The following SCFD2 variants were observed in gnomAD, a reference collection of about 807,000 sequenced individuals.
The protein encoded by SCFD2 is sec1 family domain-containing protein 2.
SCFD2 carries 54 observed loss-of-function variants against 58.9 expected under a neutral mutation model. The observed-to-expected ratio is 0.92, with a 90% CI of 0.74 to 1.15. SCFD2 has a LOEUF of 1.15. SCFD2 is among the 50% of genes most tolerant of loss of function. SCFD2 has a pLI of 0.00. For synonymous variants in SCFD2, 321 were observed against 335.9 expected, an observed-to-expected ratio of 0.96 and a Z score of 0.49; for missense variants, 805 against 836.6, an observed-to-expected ratio of 0.96 and a Z score of 0.47.
At chr4:53,298,133 G>A (rs1015413894) in intron 3 of SCFD2, among the ~76,000 whole-genome samples, 4 of 152,164 alleles carry the variant, frequency 2.6e-5, no homozygotes, top group African/African-American at 9.7e-5. Context: ...TGCGTGAGCC[G>A]AAGCAGGGCG....
chr4:52,898,096 A>G (rs193264373), intron 7 of SCFD2, among the ~76,000 whole-genome samples: 24 of 152,312 alleles, frequency 1.6e-4, no homozygotes, highest in African/African-American at 5.5e-4. Flanking sequence ...ATCTTTTCAA[A>G]AAACCAGCTC....
intron 5 of SCFD2, among the ~76,000 whole-genome samples, chr4:52,981,693 GC>G (rs921087838): frequency 5.2e-4 from 79 of 152,186 alleles, no homozygotes; most frequent in African/African-American, 1.7e-3. Context: ...ACACAGGAAG[GC>G]CCCGAGTCAA....
At chr4:53,111,793 T>C (rs575927394) in intron 5 of SCFD2, among the ~76,000 whole-genome samples, 1 of 152,284 alleles carries the variant, frequency 6.6e-6, no homozygotes, top group East Asian at 1.9e-4. Context: ...TAGCTTATGC[T>C]GAAATATCAA....
chr4:52,888,642 T>C (rs1290890128), intron 7 of SCFD2, among the ~76,000 whole-genome samples: 2 of 152,222 alleles, frequency 1.3e-5, no homozygotes, highest in Admixed American at 6.5e-5. Flanking sequence ...TTAGGTACCA[T>C]GACAGTACTT....
At chr4:53,247,469 G>C (rs1484441565) in intron 4 of SCFD2, among the ~76,000 whole-genome samples, 1 of 152,126 alleles carries the variant, frequency 6.6e-6, no homozygotes, top group East Asian at 1.9e-4. Flanking sequence ...ATTCACAATA[G>C]CAAAGACATG....
At chr4:53,172,240 T>C (rs1727202766) in intron 4 of SCFD2, among the ~76,000 whole-genome samples, 1 of 152,060 alleles carries the variant, frequency 6.6e-6, no homozygotes, top group Non-Finnish European at 1.5e-5. Context: ...CCTGACCTTG[T>C]GATCTGCCTG....
chr4:53,000,194 A>T (rs1238516886), intron 5 of SCFD2, among the ~76,000 whole-genome samples: 1 of 152,190 alleles, frequency 6.6e-6, no homozygotes, highest in Non-Finnish European at 1.5e-5. Flanking sequence ...CAGTCTGAGG[A>T]GAGCACAGGT....
chr4:52,990,345 C>T lies in SCFD2; in HGVS notation c.1562-69475G>A, dbSNP rs193104817. Among the ~76,000 whole-genome samples, 328 of 152,296 alleles carry T rather than the reference C, an allele frequency of 2.2e-3. 6 individuals carry two copies. Among genetic ancestry groups the T allele is most frequent in the South Asian group, 0.01 (49 of 4,824 alleles). On this transcript the variant is annotated intron_variant, in intron 5 of 8. Coordinates refer to ENST00000401642, the MANE Select transcript of SCFD2 (RefSeq NM_152540.4). ...TCTCATTAGTCTCATTCCACTATTA[C>T]AATTAATAATGTTATTGCTAGAAAT...
At chr4:53,320,436 G>A (rs1336909959) in intron 2 of SCFD2, among the ~76,000 whole-genome samples, 2 of 152,158 alleles carry the variant, frequency 1.3e-5, no homozygotes, top group Non-Finnish European at 2.9e-5. Flanking sequence ...GGTCAATATG[G>A]TGAAACCCCA....
intron 3 of SCFD2, among the ~76,000 whole-genome samples, chr4:53,289,190 C>A (rs529008523): frequency 6.6e-6 from 1 of 152,030 alleles, no homozygotes; most frequent in Non-Finnish European, 1.5e-5. Context: ...CATGGTGAAA[C>A]CCTGTATCTA....
chr4:52,973,920 T>C (rs913030377), intron 5 of SCFD2, among the ~76,000 whole-genome samples: 10 of 152,110 alleles, frequency 6.6e-5, no homozygotes, highest in African/African-American at 1.9e-4. Flanking sequence ...ACAAAAACCA[T>C]ATGGTTATCT....
chr4:53,217,339 G>A (rs574989059), intron 4 of SCFD2, among the ~76,000 whole-genome samples: 22 of 152,302 alleles, frequency 1.4e-4, no homozygotes, highest in African/African-American at 5.1e-4. Flanking sequence ...CGTGTATTGG[G>A]TGCACATATG....
intron 3 of SCFD2, among the ~76,000 whole-genome samples, chr4:53,279,917 GC>G (rs1241654120): frequency 1.3e-5 from 2 of 152,100 alleles, no homozygotes; most frequent in Admixed American, 1.3e-4. Flanking sequence ...CAGGGAAACT[GC>G]CCCCATGATA....
chr4:53,258,134 A>G (rs1337651022), intron 4 of SCFD2, among the ~76,000 whole-genome samples: 1 of 152,220 alleles, frequency 6.6e-6, no homozygotes, highest in African/African-American at 2.4e-5. Flanking sequence ...CCTGACTGCC[A>G]ACCTTGATAG....
intron 5 of SCFD2, among the ~76,000 whole-genome samples, chr4:53,086,665 T>C (rs1724313824): frequency 2.0e-5 from 3 of 152,140 alleles, no homozygotes; most frequent in Non-Finnish European, 4.4e-5. Context: ...ATAAAGCAAA[T>C]GTGGCAAATA....
chr4:53,250,014 T>C (rs1247817198), intron 4 of SCFD2, among the ~76,000 whole-genome samples: 2 of 152,088 alleles, frequency 1.3e-5, no homozygotes, highest in Non-Finnish European at 2.9e-5. Context: ...GCAAATTGGA[T>C]AAAGAGTCAA....
intron 3 of SCFD2, among the ~76,000 whole-genome samples, chr4:53,292,804 T>C (rs766297764): frequency 6.6e-6 from 1 of 152,080 alleles, no homozygotes; most frequent in African/African-American, 2.4e-5. Context: ...ATCAACCAAA[T>C]GTCCATCAAT....
intron 4 of SCFD2, among the ~76,000 whole-genome samples, chr4:53,221,377 T>A (rs1472287135): frequency 6.6e-6 from 1 of 152,236 alleles, no homozygotes; most frequent in Admixed American, 6.5e-5. Context: ...CCTTGTCTAT[T>A]GAGGCTAAAT....
rs192431266 is a variant in SCFD2, at chr4:52,999,420, G to C, written c.1562-78550C>G. On this transcript the variant is annotated intron_variant, in intron 5 of 8. Transcript: ENST00000401642. Reference sequence around the variant, plus strand: ...AGGTAGTGTGTTACGAAAATGGTTGGGGGCAGGAAGGAGGTGACACAAATC... The same window carrying C: ...AGGTAGTGTGTTACGAAAATGGTTGCGGGCAGGAAGGAGGTGACACAAATC... Among the ~76,000 whole-genome samples the C allele has an allele frequency of 1.7e-3, 258 of 152,326 alleles. 1 individual carries two copies. The highest frequency in any genetic ancestry group is 2.5e-3 in the Non-Finnish European group (169 of 68,026).
Sources: allele counts gnomAD v4.1 joint callset (sites outside exome capture counted in the v4.1 genomes callset), GRCh38; gene constraint gnomAD v4.1.1; transcripts MANE v1.5; gene names NCBI Gene and HGNC (gene_info 2026-07-23, HGNC 2026-07-21).